TK2: variants seen among roughly 807,000 people sequenced by gnomAD.
TK2 encodes thymidine kinase 2.
Under a neutral mutation model 41.9 loss-of-function variants are expected in TK2, and 35 were observed. The ratio of observed to expected loss-of-function variants is 0.84; its 90% CI spans 0.64 to 1.11. TK2 has a LOEUF of 1.11. Ranked by LOEUF, TK2 falls within the 50% of genes least tolerant of loss-of-function variation. TK2 has a pLI of 0.00. For synonymous variants in TK2, 128 were observed against 129.1 expected (o/e 0.99, Z 0.06); for missense variants, 320 against 351.1 (o/e 0.91, Z 0.71).
At chr16:66,540,173 C>CTTTTTTTTTTTTTTTTTTTTTTTTTTTT (rs200305417) in intron 3 of TK2, among the ~76,000 whole-genome samples, 1 of 130,782 alleles carries the variant, frequency 7.6e-6, no homozygotes, top group Non-Finnish European at 1.6e-5. Flanking sequence ...TTTCTTTTTT[C>CTTTTTTTTTTTTTTTTTTTTTTTTTTTT]TTTTTTTTTT....
intron 6 of TK2, among the ~76,000 whole-genome samples, chr16:66,523,017 G>A (rs1964827512): frequency 6.6e-6 from 1 of 152,210 alleles, no homozygotes; most frequent in Non-Finnish European, 1.5e-5. Context: ...AGTGCCAGAA[G>A]AGGTGGGTCT....
In TK2 at chr16:66,510,094, T is replaced by C. The variant is rs1430056737; in HGVS notation, c.*1874A>G. ...CTGGCAGAAGCTAAAATCACTGGCC[T>C]AGGAAGCACTTCAAAATCAACAACA... On this transcript the variant is annotated 3_prime_UTR_variant, in exon 10 of 10. Coordinates refer to ENST00000544898, the MANE Select transcript of TK2 (RefSeq NM_004614.5). 1 of 151,216 alleles carries C rather than the reference T, an allele frequency of 6.6e-6. No individual in the cohort carries two copies. The highest frequency in any genetic ancestry group is 2.4e-5 in the African/African-American group (1 of 41,052). 9.4% of individuals were successfully genotyped at this position (151,216 alleles called of 1,614,324 possible).
intron 4 of TK2, 123 bp from the exon 5 acceptor site, chr16:66,531,592 C>T: frequency 1.2e-6 from 1 of 865,316 alleles, no homozygotes; most frequent in South Asian, 1.4e-5. Flanking sequence ...TGGAGATAAA[C>T]CCAGCATGAT....
Position 66,517,375 on chromosome 16 carries a change from T to G in TK2, c.539-160A>C. The G allele has an allele frequency of 1.3e-6, 1 of 747,282 alleles. No homozygotes were observed. Among genetic ancestry groups the G allele is most frequent in the South Asian group, 1.4e-5 (1 of 71,622 alleles). 46.3% of individuals were successfully genotyped at this position (747,282 alleles called of 1,614,324 possible). A position where few individuals can be genotyped will look rare whatever the true frequency, so the allele number is the denominator to read the frequency against. ...ACTGACCCTCCGCCTCGACTTTCAT[T>G]CTCTTTCAGTGTCAGCGGCCCCGTG... On this transcript the variant is annotated intron_variant, in intron 7 of 9. Coordinates refer to ENST00000544898, the MANE Select transcript of TK2 (RefSeq NM_004614.5). This position sits in a 1 kb window ranked among gnomAD's most constrained non-coding sequence, Gnocchi z 4.3.
At position 66,517,367 on chromosome 16, in the gene TK2, A is replaced by G; in HGVS notation, c.539-152T>C. ...GCTTGACCACTGACCCTCCGCCTCGACTTTCATTCTCTTTCAGTGTCAGCG... is the reference window on the plus strand; with the variant it reads ...GCTTGACCACTGACCCTCCGCCTCGGCTTTCATTCTCTTTCAGTGTCAGCG... On this transcript the variant is annotated intron_variant, in intron 7 of 9. Coordinates refer to ENST00000544898, the MANE Select transcript of TK2 (RefSeq NM_004614.5). The surrounding 1 kb of genome is among the most constrained non-coding windows in gnomAD (Gnocchi z 4.3). 1.3e-6 allele frequency: 1 copy of G among 762,604 alleles called. No individual in the cohort carries two copies. Among genetic ancestry groups the G allele is most frequent in the South Asian group, 1.4e-5 (1 of 72,672 alleles). 47.2% of individuals were successfully genotyped at this position (762,604 alleles called of 1,614,324 possible). A position where few individuals can be genotyped will look rare whatever the true frequency, so the allele number is the denominator to read the frequency against.
Position 66,514,050 on chromosome 16 carries a change from T to A in TK2, c.619-239A>T, listed in dbSNP as rs1047321345. 9.2e-5 allele frequency among the ~76,000 whole-genome samples: 14 copies of A among 151,692 alleles called. No individual in the cohort carries two copies. The highest frequency in any genetic ancestry group is 2.7e-4 in the African/African-American group (11 of 41,240). On this transcript the variant is annotated intron_variant, in intron 8 of 9. Transcript: ENST00000544898. The surrounding 1 kb of genome is among the most constrained non-coding windows in gnomAD (Gnocchi z 4.2). ...CCACCCTGCTCTGCTCCACTGGGGG[T>A]TCGTGGGCACAAACACTGGCCCTTC...
chr16:66,538,983 T>C (rs1965370442), intron 3 of TK2, among the ~76,000 whole-genome samples: 1 of 152,148 alleles, frequency 6.6e-6, no homozygotes, highest in Admixed American at 6.5e-5. Context: ...AAAACTGTGG[T>C]AAAAATGGTA....
rs912790428 is a variant in TK2 at position 66,510,802 on chromosome 16, C to A, written c.*1166G>T. ...CTTTCCAGACTATCCCCAAAGGGAA[C>A]GTTCTTTCTTTCTCTTGTTTTCTGC... On this transcript the variant is annotated 3_prime_UTR_variant, in exon 10 of 10. Coordinates refer to ENST00000544898, the MANE Select transcript of TK2 (RefSeq NM_004614.5). The A allele has an allele frequency of 6.6e-6, 1 of 152,200 alleles. No individual in the cohort carries two copies. Among genetic ancestry groups the A allele is most frequent in the Non-Finnish European group, 1.5e-5 (1 of 68,056 alleles). 9.4% of individuals were successfully genotyped at this position (152,200 alleles called of 1,614,324 possible).
intron 1 of TK2, 124 bp downstream of exon 1, chr16:66,549,814 C>A (rs866108586): frequency 2.3e-6 from 3 of 1,287,164 alleles, no homozygotes; most frequent in Middle Eastern, 2.9e-4. Context: ...CCAGCCGCAG[C>A]CGGGGAGGAA....
In TK2 at chr16:66,517,871, C is replaced by A. The variant is rs766524624; in HGVS notation, c.456G>T (p.Lys152Asn). ...IFVENLYRSG[K>N]MPEVDYVVLS... ...GAACTACATAGTCCACTTCTGGCAT[C>A]TTCCCACTGCAATGAGAGTTGTAAG... Residue 152 changes from lysine (K) to asparagine (N), a missense_variant, in exon 7 of 10, where the codon AAG becomes AAT. Lys to Asn is a moderately conservative substitution (Grantham distance 94, BLOSUM62 0). Coordinates refer to ENST00000544898, the MANE Select transcript of TK2 (RefSeq NM_004614.5). The surrounding 1 kb of genome is among the most constrained non-coding windows in gnomAD (Gnocchi z 4.3). 3 of 1,614,000 alleles carry A rather than the reference C, an allele frequency of 1.9e-6. No homozygotes were observed. Among genetic ancestry groups the A allele is most frequent in the Admixed American group, 3.3e-5 (2 of 60,010 alleles).
intron 4 of TK2, among the ~76,000 whole-genome samples, chr16:66,534,795 T>C (rs1219357093): frequency 6.6e-6 from 1 of 152,256 alleles, no homozygotes; most frequent in Non-Finnish European, 1.5e-5. Flanking sequence ...TGCTCCAGCA[T>C]ACTTGCTAAG....
intron 9 of TK2, 84 bp from the exon 10 acceptor site, chr16:66,512,150 C>T (rs925062823): frequency 3.0e-5 from 37 of 1,245,726 alleles, no homozygotes; most frequent in Non-Finnish European, 4.3e-5. Context: ...CAGATGGAAG[C>T]AGGCAGCAGG....
intron 2 of TK2, among the ~76,000 whole-genome samples, chr16:66,544,133 A>G (rs773493468): frequency 1.3e-5 from 2 of 152,162 alleles, no homozygotes; most frequent in Non-Finnish European, 2.9e-5. Context: ...TATCCCCAGC[A>G]TGAAATCCTG....
At chr16:66,519,536 A>G (rs1196435287) in intron 6 of TK2, among the ~76,000 whole-genome samples, 1 of 152,224 alleles carries the variant, frequency 6.6e-6, no homozygotes, top group Non-Finnish European at 1.5e-5. Context: ...GAAAGTGGGA[A>G]GGAAGAACGA....
chr16:66,532,461 T>G (rs890256846), intron 4 of TK2, among the ~76,000 whole-genome samples: 1 of 151,990 alleles, frequency 6.6e-6, no homozygotes, highest in East Asian at 1.9e-4. Context: ...AAAAATTAGC[T>G]GGGTGTGGTG....
chr16:66,527,778 C>T (rs542565433), intron 6 of TK2, among the ~76,000 whole-genome samples: 79 of 152,218 alleles, frequency 5.2e-4, no homozygotes, highest in African/African-American at 1.7e-3. Context: ...ACCTATAATC[C>T]CAGCACTTTG....
At chr16:66,546,176 G>A (rs1382083277) in intron 2 of TK2, among the ~76,000 whole-genome samples, 1 of 152,130 alleles carries the variant, frequency 6.6e-6, no homozygotes, top group East Asian at 1.9e-4. Context: ...GCTGCAGTAA[G>A]TTGTGATTGT....
intron 6 of TK2, among the ~76,000 whole-genome samples, chr16:66,521,459 C>G (rs1317348778): frequency 6.6e-6 from 1 of 152,174 alleles, no homozygotes; most frequent in South Asian, 2.1e-4. Flanking sequence ...TGGAAGGGGT[C>G]CTTGGTCGGG....
chr16:66,530,995 T>C (rs1965093391), intron 5 of TK2, among the ~76,000 whole-genome samples: 1 of 152,198 alleles, frequency 6.6e-6, no homozygotes, highest in Non-Finnish European at 1.5e-5. Flanking sequence ...AGTGCTGGGA[T>C]TACAGGTGGG....
Sources: gnomAD v4.1 joint callset for allele counts (sites outside exome capture counted in the v4.1 genomes callset) on GRCh38, gnomAD v4.1.1 for gene constraint, Gnocchi (gnomAD v3.1) non-coding constraint, MANE v1.5 for transcripts, NCBI Gene and HGNC (gene_info 2026-07-23, HGNC 2026-07-21) for gene names.